LCLAT1: variants seen among roughly 807,000 people sequenced by gnomAD.
LCLAT1 encodes the protein 1-AGP acyltransferase 8.
Under a neutral mutation model 30.7 loss-of-function variants are expected in LCLAT1, and 11 were observed. That is an observed-to-expected ratio of 0.36 (90% CI 0.23 to 0.59). LCLAT1 has a LOEUF of 0.59. LCLAT1 is among the 20% of genes least tolerant of loss of function. LCLAT1 has a pLI of 0.77. For missense variants in LCLAT1, 402 were observed against 458.6 expected, an observed-to-expected ratio of 0.88 and a Z score of 1.13; for synonymous variants, 155 against 151.3, an observed-to-expected ratio of 1.02 and a Z score of -0.18.
intron 5 of LCLAT1, among the ~76,000 whole-genome samples, chr2:30,616,903 A>G (rs182266862): frequency 1.3e-5 from 2 of 152,188 alleles, no homozygotes; most frequent in African/African-American, 4.8e-5. Context: ...AATGTTTTCT[A>G]ACATTTTGGT....
chr2:30,475,302 C>G (rs1336302961), intron 1 of LCLAT1, among the ~76,000 whole-genome samples: 1 of 152,090 alleles, frequency 6.6e-6, no homozygotes, highest in Non-Finnish European at 1.5e-5. Context: ...CCTTACTAGT[C>G]TTATGGAAAC....
chr2:30,604,697 G>T (rs955327248), intron 5 of LCLAT1, among the ~76,000 whole-genome samples: 2 of 146,274 alleles, frequency 1.4e-5, no homozygotes, highest in African/African-American at 5.1e-5. Context: ...AACATCATTC[G>T]TAGCTCTCAG....
chr2:30,594,436 T>G (rs1442731970), intron 5 of LCLAT1, among the ~76,000 whole-genome samples: 1 of 152,212 alleles, frequency 6.6e-6, no homozygotes, highest in African/African-American at 2.4e-5. Flanking sequence ...GAGAATTGAT[T>G]AGATGAGTGT....
rs892024745 is a variant in LCLAT1 at position 30,558,942 on chromosome 2, A to T, written c.365-3204A>T. 2.6e-5 allele frequency among the ~76,000 whole-genome samples: 4 copies of T among 152,118 alleles called. No homozygotes were observed. In the Admixed American group the frequency reaches 2.6e-4, roughly 10 times the overall value. On this transcript the variant is annotated intron_variant, in intron 3 of 5. Transcript: ENST00000379509. ...TAACTTTATTCCTAATATACAAGGAATCTTCATAAGAAGTATAAATAAACT... is the reference window on the plus strand; with the variant it reads ...TAACTTTATTCCTAATATACAAGGATTCTTCATAAGAAGTATAAATAAACT...
At chr2:30,504,367 G>A (rs1184209820) in intron 1 of LCLAT1, among the ~76,000 whole-genome samples, 1 of 151,924 alleles carries the variant, frequency 6.6e-6, no homozygotes, top group Admixed American at 6.6e-5. Flanking sequence ...CAAAACATGA[G>A]CTTAAACTTC....
At chr2:30,503,161 G>T (rs749473540) in intron 1 of LCLAT1, among the ~76,000 whole-genome samples, 1 of 152,170 alleles carries the variant, frequency 6.6e-6, no homozygotes, top group Non-Finnish European at 1.5e-5. Context: ...ATAAACTGTC[G>T]TGGCGCTGGT....
chr2:30,494,259 A>C (rs1173361338), intron 1 of LCLAT1, among the ~76,000 whole-genome samples: 4 of 152,034 alleles, frequency 2.6e-5, no homozygotes, highest in African/African-American at 9.7e-5. Flanking sequence ...CCAAAAACAA[A>C]ATAGTTTCAT....
At chr2:30,557,915 A>T (rs572101127) in intron 3 of LCLAT1, among the ~76,000 whole-genome samples, 1 of 152,376 alleles carries the variant, frequency 6.6e-6, no homozygotes, top group Non-Finnish European at 1.5e-5. Flanking sequence ...GGCCTTTCAA[A>T]TAATTGCCAC....
chr2:30,599,635 G>A (rs949172752), intron 5 of LCLAT1, among the ~76,000 whole-genome samples: 3 of 152,174 alleles, frequency 2.0e-5, no homozygotes, highest in Non-Finnish European at 4.4e-5. Flanking sequence ...AGGTGCTCCT[G>A]TATTGAGTGC....
At chr2:30,591,139 G>T (rs1379214620) in intron 5 of LCLAT1, among the ~76,000 whole-genome samples, 1 of 151,154 alleles carries the variant, frequency 6.6e-6, no homozygotes, top group South Asian at 2.1e-4. Context: ...GCAGTTTAGG[G>T]CATTAGAAAA....
At chr2:30,583,168 A>T (rs1666278035) in intron 5 of LCLAT1, among the ~76,000 whole-genome samples, 1 of 152,238 alleles carries the variant, frequency 6.6e-6, no homozygotes, top group Non-Finnish European at 1.5e-5. Context: ...AAAGGATGAT[A>T]GTATGGCTTA....
At chr2:30,630,124 G>T (rs150473423) in intron 5 of LCLAT1, among the ~76,000 whole-genome samples, 49 of 152,188 alleles carry the variant, frequency 3.2e-4, no homozygotes, top group African/African-American at 1.1e-3. Flanking sequence ...TTCATGGCTC[G>T]CAGATGGCCA....
At chr2:30,573,543 A>G (rs566724466) in intron 5 of LCLAT1, among the ~76,000 whole-genome samples, 4 of 152,196 alleles carry the variant, frequency 2.6e-5, no homozygotes, top group African/African-American at 9.6e-5. Flanking sequence ...TAGTTGTACC[A>G]TTTGTTCTAG....
intron 1 of LCLAT1, among the ~76,000 whole-genome samples, chr2:30,505,733 C>T (rs537612204): frequency 1.1e-3 from 167 of 148,466 alleles, no homozygotes; most frequent in Middle Eastern, 7.1e-3. Flanking sequence ...GTACTTGTAA[C>T]GTTATAATGT....
Position 30,462,035 on chromosome 2 carries a change from G to A in LCLAT1, c.-5+14652G>A, listed in dbSNP as rs547744680. Reference sequence around the variant, plus strand: ...GATCCGCCCGCCTCGGCCTCCCAAAGTGCTGGGATTACAGGCGTGAGCCAC... The same window carrying A: ...GATCCGCCCGCCTCGGCCTCCCAAAATGCTGGGATTACAGGCGTGAGCCAC... On this transcript the variant is annotated intron_variant, in intron 1 of 5. Transcript: ENST00000379509. Among the ~76,000 whole-genome samples, 11 of 151,992 alleles carry A rather than the reference G, an allele frequency of 7.2e-5. No homozygotes were observed. The South Asian group carries it at 1.9e-3, about 26-fold the overall frequency.
chr2:30,501,646 A>C (rs1201944668), intron 1 of LCLAT1, among the ~76,000 whole-genome samples: 5 of 152,206 alleles, frequency 3.3e-5, no homozygotes, highest in African/African-American at 1.2e-4. Flanking sequence ...CTGCCCTCCA[A>C]CCTGGGTGAC....
intron 5 of LCLAT1, among the ~76,000 whole-genome samples, chr2:30,597,315 T>G (rs553825348): frequency 6.6e-6 from 1 of 152,228 alleles, no homozygotes; most frequent in South Asian, 2.1e-4. Context: ...CTCTCTGATT[T>G]CCTTGAGCAG....
At chr2:30,627,676 C>G (rs1668577861) in intron 5 of LCLAT1, among the ~76,000 whole-genome samples, 1 of 151,996 alleles carries the variant, frequency 6.6e-6, no homozygotes, top group Admixed American at 6.6e-5. Context: ...TTTTCAATTT[C>G]TCTTTGGATT....
At position 30,513,234 on chromosome 2, in the gene LCLAT1, G is replaced by A. The variant is rs928166273; in HGVS notation, c.-4-12353G>A. ...ATTTGTTGAATCTAAACTGAGTTTA[G>A]ATTAATTATTAATGTGTAGTTATAT... On this transcript the variant is annotated intron_variant, in intron 1 of 5. Transcript: ENST00000379509. Among the ~76,000 whole-genome samples the A allele has an allele frequency of 3.9e-5, 6 of 151,916 alleles. 1 individual carries two copies. Among genetic ancestry groups the A allele is most frequent in the African/African-American group, 1.4e-4 (6 of 41,496 alleles).
Sources: gnomAD v4.1 joint callset for allele counts (sites outside exome capture counted in the v4.1 genomes callset) on GRCh38, gnomAD v4.1.1 for gene constraint, MANE v1.5 for transcripts, NCBI Gene and HGNC (gene_info 2026-07-23, HGNC 2026-07-21) for gene names.